PFAS: variants seen among roughly 807,000 people sequenced by gnomAD.
The protein encoded by PFAS is phosphoribosylformylglycinamidine synthase.
A neutral mutation model predicts 140.6 loss-of-function variants in PFAS; 97 were observed. The ratio of observed to expected loss-of-function variants is 0.69; its 90% confidence interval spans 0.59 to 0.82. The LOEUF is 0.82. Ranked by LOEUF, PFAS falls within the 40% of genes least tolerant of loss-of-function variation. The pLI, the probability that PFAS is intolerant of heterozygous loss-of-function variation, is 0.00. For missense variants in PFAS, 1,656 were observed against 1,780.2 expected (o/e 0.93, Z 1.26); for synonymous variants, 679 against 718.8 (o/e 0.94, Z 0.88).
intron 8 of PFAS, 41 bp downstream of exon 8, chr17:8,256,689 T>C (rs1356778102): frequency 2.5e-6 from 4 of 1,610,508 alleles, no homozygotes; most frequent in African/African-American, 1.3e-5. Context: ...GATCACAGAA[T>C]AGGGTAGGGC....
Position 8,258,148 on chromosome 17 carries a change from G to A in PFAS, c.1285G>A (p.Gly429Ser). Residue 429 changes from glycine to serine, a missense_variant, in exon 11 of 28, where the codon GGC (glycine) becomes AGC (serine). Gly to Ser is a moderately conservative substitution (Grantham distance 56). Transcript: ENST00000314666. Reference protein sequence around the residue: ...EWIKPIMFSGGIGSMEADHIS... With the variant: ...EWIKPIMFSGSIGSMEADHIS... ...GATCAAGCCCATCATGTTTAGTGGG[G>A]GCATTGGGTCCATGGAAGCTGACCA... The A allele has an allele frequency of 2.5e-6, 4 of 1,614,122 alleles. No individual in the cohort carries two copies. The highest frequency in any genetic ancestry group is 3.4e-6 in the Non-Finnish European group (4 of 1,180,012).
chr17:8,257,753 G>C (rs933254188), intron 9 of PFAS, 54 bp from the exon 10 acceptor site: 6 of 1,599,654 alleles, frequency 3.8e-6, no homozygotes, highest in Non-Finnish European at 4.3e-6. Flanking sequence ...AGGCTGCTCC[G>C]GCCTGTCTTC....
intron 17 of PFAS, 46 bp from the exon 18 acceptor site, chr17:8,264,849 C>T (rs1378642829): frequency 1.5e-6 from 2 of 1,352,716 alleles, no homozygotes; most frequent in South Asian, 2.7e-5. Flanking sequence ...GGAGCTCAGG[C>T]TGTCCCTGTC....
chr17:8,257,101 T>G (rs1989400628), intron 9 of PFAS, 138 bp downstream of exon 9: 1 of 913,640 alleles, frequency 1.1e-6, no homozygotes, highest in Non-Finnish European at 1.7e-6. Flanking sequence ...TAGCTGGCCT[T>G]TCACTAACTA....
At chr17:8,253,060 A>G (rs1283435085) in intron 1 of PFAS, among the ~76,000 whole-genome samples, 2 of 152,188 alleles carry the variant, frequency 1.3e-5, no homozygotes, top group African/African-American at 4.8e-5. Flanking sequence ...TAGGGTTTCA[A>G]TATATGAATT....
At chr17:8,256,988 A>G in intron 9 of PFAS, 25 bp downstream of exon 9, 1 of 1,613,238 alleles carries the variant, frequency 6.2e-7, no homozygotes, top group Non-Finnish European at 8.5e-7. Context: ...CTCTCTATCC[A>G]CCTTCCCTTC....
rs754678756 is a variant in PFAS, at chr17:8,263,459, C to T, written c.1568-116C>T. 86 of 1,044,218 alleles carry T rather than the reference C, an allele frequency of 8.2e-5. 1 individual carries two copies. The highest frequency in any genetic ancestry group is 8.8e-5 in the Admixed American group (5 of 56,764). 64.7% of individuals were successfully genotyped at this position (1,044,218 alleles called of 1,614,324 possible). On this transcript the variant is annotated intron_variant, in intron 13 of 27. Coordinates refer to ENST00000314666, the MANE Select transcript of PFAS (RefSeq NM_012393.3). ...CGTGGGATGATTGGTGGTAAGGGTG[C>T]GGCAGCAGTTGACACAGGAACACAC... is the stretch of plus-strand genomic sequence containing the variant.
rs1989947652 is a variant in PFAS, at chr17:8,269,314, C to A, written c.*50C>A. The A allele has an allele frequency of 7.7e-7, 1 of 1,297,390 alleles. No individual in the cohort carries two copies. Among genetic ancestry groups the A allele is most frequent in the East Asian group, 2.4e-5 (1 of 42,542 alleles). 80.4% of individuals were successfully genotyped at this position (1,297,390 alleles called of 1,614,324 possible). A position where few individuals can be genotyped will look rare whatever the true frequency, so the allele number is the denominator to read the frequency against. ...CCCATGGCTTTTCACCTAAGTGGGTCCTGCCCCCTCCCCCATGACCTTCAG... is the reference window on the plus strand; with the variant it reads ...CCCATGGCTTTTCACCTAAGTGGGTACTGCCCCCTCCCCCATGACCTTCAG... On this transcript the variant is annotated 3_prime_UTR_variant, in exon 28 of 28. Transcript: ENST00000314666.
intron 3 of PFAS, 94 bp downstream of exon 3, chr17:8,254,395 C>A: frequency 1.4e-6 from 2 of 1,452,558 alleles, no homozygotes; most frequent in South Asian, 1.2e-5. Flanking sequence ...CTCTTTGCTA[C>A]TTCCTGCCTA....
chr17:8,269,029 A>T lies in PFAS; in HGVS notation c.3782A>T (p.Asp1261Val). 6.2e-7 allele frequency: 1 copy of T among 1,614,156 alleles called. No individual in the cohort carries two copies. The highest frequency in any genetic ancestry group is 8.5e-7 in the Non-Finnish European group (1 of 1,179,980). The stretch of plus-strand genomic sequence containing the variant: ...GGCTTGGCTCCACTGCACTGGGCTG[A>T]TGATGACGGGAACCCCACAGAGCAG... ...ARGLAPLHWA[D>V]DDGNPTEQYP... The change falls in exon 28 of 28, where the codon GAT becomes GTT. Residue 1261 changes from aspartate (D) to valine (V), a missense_variant. Coordinates refer to ENST00000314666, the MANE Select transcript of PFAS (RefSeq NM_012393.3).
At position 8,267,772 on chromosome 17, in the gene PFAS, G is replaced by C; in HGVS notation, c.3382+107G>C. 1.6e-6 allele frequency: 1 copy of C among 606,800 alleles called. No homozygotes were observed. The allele number at this position is 606,800 out of a possible 1,614,324, so 37.6% of individuals were successfully genotyped here. A position where few individuals can be genotyped will look rare whatever the true frequency, so the allele number is the denominator to read the frequency against. On this transcript the variant is annotated intron_variant, in intron 26 of 27. Transcript: ENST00000314666. The surrounding 1 kb of genome is among the most constrained non-coding windows in gnomAD (Gnocchi z 4.9). ...TTGGCCTCTCACTCCACCGAGCTAC[G>C]AGAGAGTGGGCCCATTCGTTCTGGG...
At position 8,263,108 on chromosome 17, in the gene PFAS, G is replaced by A. The variant is rs1429380857; in HGVS notation, c.1411-1G>A. 6.2e-7 allele frequency: 1 copy of A among 1,614,080 alleles called. No individual in the cohort carries two copies. ...CTGAGCTATGCCATATATGCCCCCA[G>A]GTGCAGGGAGATAACACCAGTGACC... On this transcript the variant is annotated splice_acceptor_variant, in intron 12 of 27. Transcript: ENST00000314666. LOFTEE classifies it high-confidence loss of function.
chr17:8,268,142 A>G (rs1264637484), intron 26 of PFAS, among the ~76,000 whole-genome samples: 2 of 144,902 alleles, frequency 1.4e-5, no homozygotes, highest in Non-Finnish European at 3.0e-5. Flanking sequence ...GCTCACCGCA[A>G]CCTCCACCTC....
At chr17:8,248,745 G>A (rs1011288262), upstream of PFAS, among the ~76,000 whole-genome samples, 1 of 152,020 alleles carries the variant, frequency 6.6e-6, no homozygotes, top group Non-Finnish European at 1.5e-5. Flanking sequence ...TTTCTGTAGC[G>A]ACATGGTTTC....
chr17:8,263,192 G>A lies in PFAS; in HGVS notation c.1494G>A (p.Val498=). Residue 498 remains valine (V), a synonymous_variant, in exon 13 of 28, where the codon GTG becomes GTA. Transcript: ENST00000314666. ...AGATGGAACAGAAGATGAACCGTGT[G>A]ATCAGGGCTTGTGTGGAGGCCCCCA... ...DPEMEQKMNR[V]IRACVEAPKG... is the part of the protein sequence containing the mutation. 6.2e-7 allele frequency: 1 copy of A among 1,614,144 alleles called. No homozygotes were observed. The highest frequency in any genetic ancestry group is 8.5e-7 in the Non-Finnish European group (1 of 1,179,978).
rs1989796339 is a variant in PFAS, at chr17:8,265,960, C to T, written c.2644C>T (p.Leu882=). ...CCAGCTTGGGGAACACCCTCCAGACCTGGACCTTCCTGAGAACTTGGTGCG... is the reference window on the plus strand; with the variant it reads ...CCAGCTTGGGGAACACCCTCCAGACTTGGACCTTCCTGAGAACTTGGTGCG... ...FSQLGEHPPD[L]DLPENLVRAF... is the part of the protein sequence containing the mutation. The change falls in exon 21 of 28, where the codon CTG becomes TTG. Residue 882 remains leucine (L), a synonymous_variant. Coordinates refer to ENST00000314666, the MANE Select transcript of PFAS (RefSeq NM_012393.3). The T allele has an allele frequency of 6.2e-7, 1 of 1,613,644 alleles. No individual in the cohort carries two copies. The highest frequency in any genetic ancestry group is 1.3e-5 in the African/African-American group (1 of 74,930).
At position 8,265,567 on chromosome 17, in the gene PFAS, A is replaced by G; in HGVS notation, c.2473A>G (p.Ile825Val). The G allele has an allele frequency of 2.5e-6, 4 of 1,614,154 alleles. No individual in the cohort carries two copies. Among genetic ancestry groups the G allele is most frequent in the Middle Eastern group, 1.6e-4 (1 of 6,062 alleles). Reference protein sequence around the residue: ...ETVRAPGSLVISAYAVCPDIT... With the variant: ...ETVRAPGSLVVSAYAVCPDIT... ...TCCTTGCTCTACAGGGTCACTGGTC[A>G]TCTCAGCCTATGCCGTCTGCCCAGA... Residue 825 changes from isoleucine (I) to valine (V), a missense_variant, in exon 20 of 28, where the codon ATC (isoleucine) becomes GTC (valine). By Grantham distance (29) the Ile-to-Val change is conservative. This residue lies in a region of PFAS where 883 missense variants were observed against 1,023.0 expected (regional missense o/e 0.86). Coordinates refer to ENST00000314666, the MANE Select transcript of PFAS (RefSeq NM_012393.3).
At chr17:8,248,464 G>T, upstream of PFAS, among the ~76,000 whole-genome samples, 1 of 116,400 alleles carries the variant, frequency 8.6e-6, no homozygotes, top group Admixed American at 1.0e-4. Flanking sequence ...GTTTCACCAT[G>T]TGGCCAGGCT....
At chr17:8,254,700 A>C (rs1989289534) in intron 3 of PFAS, among the ~76,000 whole-genome samples, 1 of 149,380 alleles carries the variant, frequency 6.7e-6, no homozygotes, top group African/African-American at 2.5e-5. Flanking sequence ...GCTACTAGGC[A>C]GGCTGAGGCA....
Sources: gnomAD v4.1 joint callset for allele counts (sites outside exome capture counted in the v4.1 genomes callset) on GRCh38, gnomAD v4.1.1 for gene constraint, gnomAD v4.1.1 regional missense constraint, Gnocchi (gnomAD v3.1) non-coding constraint, MANE v1.5 for transcripts, NCBI Gene and HGNC (gene_info 2026-07-23, HGNC 2026-07-21) for gene names.